Variants in DNAH9 observed in about 807,000 individuals in gnomAD.
DNAH9 encodes the protein DNAH9 variant protein.
Under a neutral mutation model 471.6 loss-of-function variants are expected in DNAH9, and 345 were observed. That is an observed-to-expected ratio of 0.73 (90% CI 0.67 to 0.80). The LOEUF (loss-of-function observed/expected upper bound fraction) is 0.80. Among genes scored for constraint, DNAH9 ranks in the 30% least tolerant of loss-of-function variants. The pLI is 0.00. For synonymous variants in DNAH9, 2,093 were observed against 2,123.6 expected (o/e 0.99, Z 0.40); for missense variants, 5,407 against 5,609.2 (o/e 0.96, Z 1.15).
rs752166350 is a variant in DNAH9, at chr17:11,763,531, G to T, written c.7087G>T (p.Ala2363Ser). The T allele has an allele frequency of 3.1e-6, 5 of 1,613,910 alleles. No individual in the cohort carries two copies. Among genetic ancestry groups the T allele is most frequent in the Admixed American group, 3.3e-5 (2 of 60,008 alleles). ...TCTCCTGACCACGGAGGACATCCCT[G>T]CAGACTGCCCTAAGGAAATTTATGA... ...ECLLTTEDIPADCPKEIYEHY... is the reference protein window; with the variant it reads ...ECLLTTEDIPSDCPKEIYEHY... The change falls in exon 36 of 69, where the codon GCA becomes TCA. Residue 2363 changes from alanine to serine, a missense_variant. Physicochemically the swap from Ala to Ser is moderately conservative, Grantham distance 99 (BLOSUM62 1). Around this residue, in one of 3 missense-constraint regions of DNAH9, gnomAD observed 4,636 missense variants for 4,900.3 expected, o/e 0.95. Transcript: ENST00000262442.
At chr17:11,881,148 C>A (rs760869640) in intron 54 of DNAH9, 61 bp from the exon 55 acceptor site, 1 of 1,540,460 alleles carries the variant, frequency 6.5e-7, no homozygotes, top group Non-Finnish European at 9.0e-7. Flanking sequence ...ATCTCAAATT[C>A]TGACCCCAAC....
intron 15 of DNAH9, among the ~76,000 whole-genome samples, chr17:11,666,274 C>A (rs778810325): frequency 3.9e-5 from 6 of 152,210 alleles, no homozygotes. Flanking sequence ...AGGAAGATAC[C>A]CCAGCCATAC....
In DNAH9 at chr17:11,870,749, A is replaced by C. The variant is rs1346129517; in HGVS notation, c.10054-849A>C. Among the ~76,000 whole-genome samples the C allele has an allele frequency of 2.0e-5, 3 of 152,038 alleles. No homozygotes were observed. The East Asian group carries it at 5.8e-4, about 29-fold the overall frequency. On this transcript the variant is annotated intron_variant, in intron 51 of 68. Transcript: ENST00000262442. ...CTCTGCCTGGCTGGAGCACTTTCTGAGTCAGTGCTCATGGGAGGCAGTGTA... is the reference window on the plus strand; with the variant it reads ...CTCTGCCTGGCTGGAGCACTTTCTGCGTCAGTGCTCATGGGAGGCAGTGTA...
intron 30 of DNAH9, 48 bp downstream of exon 30, chr17:11,742,361 C>T (rs565575262): frequency 1.9e-6 from 3 of 1,586,270 alleles, no homozygotes; most frequent in Non-Finnish European, 2.6e-6. Context: ...GCAACAGCCC[C>T]AGCTCTGGAA....
chr17:11,665,035 T>C (rs764578505), intron 15 of DNAH9, 67 bp downstream of exon 15: 101 of 1,441,434 alleles, frequency 7.0e-5, no homozygotes, highest in Non-Finnish European at 9.5e-5. Flanking sequence ...TGTTGAATTA[T>C]ATTGAAGAGC....
intron 61 of DNAH9, among the ~76,000 whole-genome samples, chr17:11,911,574 T>C (rs953231205): frequency 3.9e-5 from 6 of 152,192 alleles, no homozygotes; most frequent in African/African-American, 1.4e-4. Context: ...TCATCTTATG[T>C]TTCATATAAT....
At chr17:11,832,336 A>C (rs535491186) in intron 48 of DNAH9, among the ~76,000 whole-genome samples, 3 of 152,134 alleles carry the variant, frequency 2.0e-5, no homozygotes, top group Non-Finnish European at 4.4e-5. Flanking sequence ...ACAAAACAAC[A>C]ACCAAAAAAA....
rs1973465307 is a variant in DNAH9 at position 11,903,014 on chromosome 17, GTA to G, written c.11600+103_11600+104del. The G allele has an allele frequency of 3.1e-6, 4 of 1,295,666 alleles. No homozygotes were observed. The East Asian group carries it at 9.3e-5, about 30-fold the overall frequency. The allele number at this position is 1,295,666 out of a possible 1,614,324, so 80.3% of individuals were successfully genotyped here. ...TGAGCTCCAAAGCCATGTGTATATA[GTA>G]GTTTCCTGGAGCTAGAGGGTGGGAA... On this transcript the variant is annotated intron_variant, in intron 60 of 68. Coordinates refer to ENST00000262442, the MANE Select transcript of DNAH9 (RefSeq NM_001372.4).
chr17:11,881,273 A>C lies in DNAH9; in HGVS notation c.10666A>C (p.Lys3556Gln). ...NPKFRLILHT[K>Q]LANPHYQPEL... ...CAAGTTCCGGCTCATCCTCCACACCAAGCTGGCTAATCCTCACTACCAGCC... is the reference window on the plus strand; with the variant it reads ...CAAGTTCCGGCTCATCCTCCACACCCAGCTGGCTAATCCTCACTACCAGCC... Residue 3556 changes from lysine to glutamine, a missense_variant, in exon 55 of 69, where the codon AAG becomes CAG. Lys to Gln is a moderately conservative substitution (Grantham distance 53). Transcript: ENST00000262442. 6.2e-7 allele frequency: 1 copy of C among 1,614,146 alleles called. No homozygotes were observed. The highest frequency in any genetic ancestry group is 8.5e-7 in the Non-Finnish European group (1 of 1,180,012).
At chr17:11,955,609 T>C (rs911489056) in intron 67 of DNAH9, among the ~76,000 whole-genome samples, 1 of 152,212 alleles carries the variant, frequency 6.6e-6, no homozygotes, top group Non-Finnish European at 1.5e-5. Flanking sequence ...TTAATACATA[T>C]GGCTAAAATT....
chr17:11,853,969 A>T (rs1414428211), intron 49 of DNAH9, 34 bp from the exon 50 acceptor site: 1 of 1,598,932 alleles, frequency 6.3e-7, no homozygotes. Flanking sequence ...AAGCCCATTC[A>T]TGTTCCCCTA....
At chr17:11,954,510 C>A (rs551389406) in intron 67 of DNAH9, among the ~76,000 whole-genome samples, 2 of 143,330 alleles carry the variant, frequency 1.4e-5, no homozygotes, top group African/African-American at 4.9e-5. Context: ...CTGTGCAAGC[C>A]AGAAGAAAGT....
At chr17:11,614,391 A>T (rs540161045) in intron 4 of DNAH9, among the ~76,000 whole-genome samples, 1 of 152,322 alleles carries the variant, frequency 6.6e-6, no homozygotes, top group East Asian at 1.9e-4. Context: ...GGAGGAAAAT[A>T]TGCAGGAACC....
chr17:11,783,597 C>G (rs1284538264), intron 39 of DNAH9, 49 bp from the exon 40 acceptor site: 1 of 1,472,728 alleles, frequency 6.8e-7, no homozygotes, highest in African/African-American at 1.4e-5. Flanking sequence ...AAGCACTCAC[C>G]TGCCTCAGTC....
At chr17:11,766,363 C>T (rs1229797087) in intron 36 of DNAH9, among the ~76,000 whole-genome samples, 4 of 151,808 alleles carry the variant, frequency 2.6e-5, no homozygotes, top group Admixed American at 1.3e-4. Context: ...AACAATCTCT[C>T]GGAAACGTAA....
intron 42 of DNAH9, among the ~76,000 whole-genome samples, chr17:11,795,082 A>T (rs2150910107): frequency 6.7e-6 from 1 of 149,478 alleles, no homozygotes; most frequent in African/African-American, 2.5e-5. Flanking sequence ...ATAAAAAAAT[A>T]CATATATATA....
chr17:11,719,263 T>A (rs2075014220), intron 26 of DNAH9, 71 bp from the exon 27 acceptor site: 1 of 1,468,064 alleles, frequency 6.8e-7, no homozygotes, highest in Admixed American at 1.9e-5. Flanking sequence ...AGATCTCACA[T>A]GGCCTTGAGC....
rs200445686 is a variant in DNAH9, at chr17:11,704,193, G to T, written c.5152-10G>T. 4.1e-5 allele frequency: 66 copies of T among 1,613,980 alleles called. No homozygotes were observed. The East Asian group carries it at 1.4e-3, about 33-fold the overall frequency. The stretch of plus-strand genomic sequence containing the variant: ...ATAACAGCTTTACTAGGCAACTCTT[G>T]CTGCCACAGGTGGCCCTGACCTGTA... On this transcript the variant is annotated splice_polypyrimidine_tract_variant and intron_variant, in intron 24 of 68. Transcript: ENST00000262442.
At chr17:11,666,274 C>G (rs778810325) in intron 15 of DNAH9, among the ~76,000 whole-genome samples, 4 of 152,092 alleles carry the variant, frequency 2.6e-5, no homozygotes, top group Non-Finnish European at 4.4e-5. Context: ...AGGAAGATAC[C>G]CCAGCCATAC....
Sources: gnomAD v4.1 joint callset for allele counts (sites outside exome capture counted in the v4.1 genomes callset) on GRCh38, gnomAD v4.1.1 for gene constraint, gnomAD v4.1.1 regional missense constraint, MANE v1.5 for transcripts, NCBI Gene and HGNC (gene_info 2026-07-23, HGNC 2026-07-21) for gene names.